Variants in PAPPA observed in about 807,000 individuals in gnomAD.
PAPPA encodes the protein pappalysin 1.
Under a neutral mutation model 164.0 loss-of-function variants are expected in PAPPA, and 60 were observed. The observed-to-expected ratio is 0.37, with a 90% CI of 0.30 to 0.45. PAPPA has a LOEUF of 0.45. Ranked by LOEUF, PAPPA falls within the 20% of genes least tolerant of loss-of-function variation. The probability of loss-of-function intolerance (pLI) is 1.00; values close to 1 mark genes in which losing one functional copy is unlikely to be tolerated. For synonymous variants in PAPPA, 875 were observed against 814.1 expected, an observed-to-expected ratio of 1.07 and a Z score of -1.27; for missense variants, 1,782 against 2,087.3, an observed-to-expected ratio of 0.85 and a Z score of 2.85.
At chr9:116,287,995 G>C (rs1845362249) in intron 9 of PAPPA, among the ~76,000 whole-genome samples, 1 of 152,188 alleles carries the variant, frequency 6.6e-6, no homozygotes, top group African/African-American at 2.4e-5. Flanking sequence ...AACATGAATA[G>C]TTATGATGAC....
chr9:116,309,869 T>C lies in PAPPA; in HGVS notation c.3147+6919T>C, dbSNP rs28690863. ...ATTGAAAGAAGAACATTGACAAGTG[T>C]TGAACACTTCTTACATGCCAGGCCC... On this transcript the variant is annotated intron_variant, in intron 10 of 21. Coordinates refer to ENST00000328252, the MANE Select transcript of PAPPA (RefSeq NM_002581.5). 4.7e-3 allele frequency among the ~76,000 whole-genome samples: 722 copies of C among 152,242 alleles called. 7 individuals carry two copies. The highest frequency in any genetic ancestry group is 0.017 in the African/African-American group (698 of 41,540).
At position 116,187,804 on chromosome 9, in the gene PAPPA, C is replaced by G; in HGVS notation, c.1066C>G (p.Arg356Gly). 1.2e-6 allele frequency: 2 copies of G among 1,614,246 alleles called. No homozygotes were observed. The part of the protein sequence containing the change: ...SFRQPKVVRY[R>G]VVNLYEDDHK... The stretch of plus-strand genomic sequence containing the variant: ...CCGCCAGCCCAAGGTGGTGCGCTAC[C>G]GCGTGGTCAACCTCTATGAAGATGA... Residue 356 changes from arginine (R) to glycine (G), a missense_variant, in exon 2 of 22, where the codon CGC (arginine) becomes GGC (glycine). Transcript: ENST00000328252. This position sits in a 1 kb window ranked among gnomAD's most constrained non-coding sequence, Gnocchi z 4.2.
intron 5 of PAPPA, among the ~76,000 whole-genome samples, chr9:116,221,716 C>T (rs184102149): frequency 8.6e-5 from 13 of 151,368 alleles, no homozygotes; most frequent in East Asian, 5.9e-4. Context: ...CACTGCCCCC[C>T]GCAAGGCAAA....
intron 1 of PAPPA, among the ~76,000 whole-genome samples, chr9:116,180,229 C>A (rs1283286831): frequency 6.6e-6 from 1 of 152,028 alleles, no homozygotes; most frequent in African/African-American, 2.4e-5. Flanking sequence ...GAGTAGGGAG[C>A]TATTCACCCA....
At chr9:116,329,528 C>T (rs150172123) in intron 10 of PAPPA, among the ~76,000 whole-genome samples, 177 of 152,150 alleles carry the variant, frequency 1.2e-3, no homozygotes, top group African/African-American at 4.0e-3. Flanking sequence ...TCCTGACTCC[C>T]GGTGTCATTT....
At chr9:116,156,346 A>G (rs866246365) in intron 1 of PAPPA, among the ~76,000 whole-genome samples, 19 of 82,484 alleles carry the variant, frequency 2.3e-4, no homozygotes, top group African/African-American at 4.1e-4. Flanking sequence ...ATATATATAT[A>G]TGTATATATA....
At chr9:116,379,139 G>C (rs186979998) in intron 20 of PAPPA, among the ~76,000 whole-genome samples, 1 of 152,324 alleles carries the variant, frequency 6.6e-6, no homozygotes, top group East Asian at 1.9e-4. Context: ...TCAGCAGTGA[G>C]ACCCAAGAGA....
chr9:116,398,511 CT>C lies in PAPPA; in HGVS notation c.*1898del. On this transcript the variant is annotated 3_prime_UTR_variant, in exon 22 of 22. Coordinates refer to ENST00000328252, the MANE Select transcript of PAPPA (RefSeq NM_002581.5). ...AAAAAAAAAAAGAGACCAAAAATAA[CT>C]TTAGGAACCACCATATTATATCACT... 1 of 1,108,274 alleles carries C rather than the reference CT, an allele frequency of 9.0e-7. No homozygotes were observed. Among genetic ancestry groups the C allele is most frequent in the Non-Finnish European group, 1.2e-6 (1 of 862,554 alleles). 68.7% of individuals were successfully genotyped at this position (1,108,274 alleles called of 1,614,324 possible). A position where few individuals can be genotyped will look rare whatever the true frequency, so the allele number is the denominator to read the frequency against.
intron 5 of PAPPA, among the ~76,000 whole-genome samples, chr9:116,225,986 T>A (rs1364714263): frequency 2.7e-5 from 4 of 147,572 alleles, no homozygotes; most frequent in African/African-American, 1.0e-4. Flanking sequence ...TCACAATCTA[T>A]TAGGATAAAC....
chr9:116,398,674 TTA>T lies in PAPPA; in HGVS notation c.*2060_*2061del, dbSNP rs770342589. 1 of 526,688 alleles carries T rather than the reference TTA, an allele frequency of 1.9e-6. No homozygotes were observed. The highest frequency in any genetic ancestry group is 1.5e-5 in the South Asian group (1 of 65,848). 32.6% of individuals were successfully genotyped at this position (526,688 alleles called of 1,614,324 possible). A position where few individuals can be genotyped will look rare whatever the true frequency, so the allele number is the denominator to read the frequency against. The stretch of plus-strand genomic sequence containing the variant: ...AATACGGATGCAGTGCTGAGATAGT[TTA>T]TGAGACTTGTACCATTTCACAAACT... On this transcript the variant is annotated 3_prime_UTR_variant, in exon 22 of 22. Transcript: ENST00000328252.
intron 1 of PAPPA, among the ~76,000 whole-genome samples, chr9:116,183,022 C>T (rs1843925339): frequency 6.6e-6 from 1 of 152,164 alleles, no homozygotes; most frequent in Non-Finnish European, 1.5e-5. Context: ...TTGCATGTGG[C>T]CTTCGGTTTT....
chr9:116,302,873 G>T lies in PAPPA; in HGVS notation c.3070G>T (p.Ala1024Ser). 6.2e-7 allele frequency: 1 copy of T among 1,614,116 alleles called. No homozygotes were observed. Among genetic ancestry groups the T allele is most frequent in the Non-Finnish European group, 8.5e-7 (1 of 1,179,972 alleles). Reference protein sequence around the residue: ...YTPQGFLDQWASNASVSHQDQ... With the variant: ...YTPQGFLDQWSSNASVSHQDQ... ...GCCCCAGGGATTCCTGGATCAGTGG[G>T]CATCCAATGCTTCAGTATCTCATCA... The change falls in exon 10 of 22, where the codon GCA (alanine) becomes TCA (serine). Residue 1024 changes from alanine to serine, a missense_variant. Physicochemically the swap from Ala to Ser is moderately conservative, Grantham distance 99. Coordinates refer to ENST00000328252, the MANE Select transcript of PAPPA (RefSeq NM_002581.5).
intron 9 of PAPPA, 129 bp from the exon 10 acceptor site, chr9:116,302,628 C>T (rs985888882): frequency 2.5e-5 from 16 of 642,698 alleles, no homozygotes; most frequent in Middle Eastern, 3.3e-4. Context: ...AATAGTCCAT[C>T]GTGACTAATG....
intron 9 of PAPPA, among the ~76,000 whole-genome samples, chr9:116,284,226 G>T (rs571686768): frequency 6.6e-6 from 1 of 152,112 alleles, no homozygotes; most frequent in South Asian, 2.1e-4. Flanking sequence ...ACCTGTCCCC[G>T]GAAGAGATTG....
chr9:116,221,671 G>A (rs1587958850), intron 5 of PAPPA, among the ~76,000 whole-genome samples: 1 of 151,964 alleles, frequency 6.6e-6, no homozygotes. Flanking sequence ...CTTTCATTAA[G>A]TTGTTTCAGA....
Position 116,401,536 on chromosome 9 carries a change from AT to A in PAPPA, c.*4921del, listed in dbSNP as rs1402667679. ...ATCTATCTATATAAAGATATTATAT[AT>A]AAATATAAATTTACATATATATGCA... is the stretch of plus-strand genomic sequence containing the variant. On this transcript the variant is annotated 3_prime_UTR_variant, in exon 22 of 22. Transcript: ENST00000328252. The A allele has an allele frequency of 6.6e-6, 1 of 150,906 alleles. No individual in the cohort carries two copies. The highest frequency in any genetic ancestry group is 1.5e-5 in the Non-Finnish European group (1 of 67,710). The allele number at this position is 150,906 out of a possible 1,614,324, so 9.3% of individuals were successfully genotyped here. A position where few individuals can be genotyped will look rare whatever the true frequency, so the allele number is the denominator to read the frequency against.
intron 2 of PAPPA, 24 bp downstream of exon 2, chr9:116,188,240 T>C (rs746218176): frequency 1.3e-6 from 2 of 1,543,882 alleles, no homozygotes; most frequent in Admixed American, 3.5e-5. Context: ...GGGCTAAAGA[T>C]GCCCAGTTGA....
chr9:116,169,320 T>TTTTTTTTTTTTTTTG (rs1223868038), intron 1 of PAPPA, among the ~76,000 whole-genome samples: 1 of 115,442 alleles, frequency 8.7e-6, no homozygotes, highest in Non-Finnish European at 1.9e-5. Flanking sequence ...CTTTTTTTTT[T>TTTTTTTTTTTTTTTG]TTTTTTTTTT....
At chr9:116,357,878 A>G (rs1469320005) in intron 17 of PAPPA, among the ~76,000 whole-genome samples, 2 of 152,168 alleles carry the variant, frequency 1.3e-5, no homozygotes, top group African/African-American at 4.8e-5. Flanking sequence ...ACTCAGCAGG[A>G]GCAAGAGAGA....
Sources: gnomAD v4.1 joint callset for allele counts (sites outside exome capture counted in the v4.1 genomes callset) on GRCh38, gnomAD v4.1.1 for gene constraint, Gnocchi (gnomAD v3.1) non-coding constraint, MANE v1.5 for transcripts, NCBI Gene and HGNC (gene_info 2026-07-23, HGNC 2026-07-21) for gene names.